BIK: variants seen among roughly 807,000 people sequenced by gnomAD.
BIK encodes the protein bcl-2-interacting killer.
A neutral mutation model predicts 12.1 loss-of-function variants in BIK; 14 were observed. That is an observed-to-expected ratio of 1.16 (90% confidence interval 0.77 to 1.81). The LOEUF (loss-of-function observed/expected upper bound fraction) is 1.81. Ranked by LOEUF, BIK falls within the 40% of genes most tolerant of loss-of-function variation. The pLI is 0.00. For synonymous variants in BIK, 86 were observed against 92.3 expected, an observed-to-expected ratio of 0.93 and a Z score of 0.39; for missense variants, 215 against 207.9, an observed-to-expected ratio of 1.03 and a Z score of -0.21.
intron 1 of BIK, among the ~76,000 whole-genome samples, chr22:43,117,816 C>T (rs992315475): frequency 2.6e-4 from 40 of 151,870 alleles, no homozygotes; most frequent in Admixed American, 7.9e-4. Context: ...ATTACAGGCG[C>T]GCACCACCAC....
In BIK at chr22:43,129,244, T is replaced by TGCTGGC. The variant is rs1555972443; in HGVS notation, c.426_427insGCGCTG (p.Leu142_Leu143insAlaLeu). The stretch of plus-strand genomic sequence containing the variant: ...TGCGAACAGGTGCTGCTGGCGCTGC[T>TGCTGGC]GCTGCTGCTGGCGCTGCTGCTGCCG... On this transcript the variant is annotated inframe_insertion, in exon 5 of 5. Transcript: ENST00000216115. The TGCTGGC allele has an allele frequency of 2.5e-6, 4 of 1,584,008 alleles. No homozygotes were observed. Among genetic ancestry groups the TGCTGGC allele is most frequent in the Admixed American group, 3.4e-5 (2 of 58,866 alleles).
chr22:43,129,118 C>G, intron 4 of BIK, 95 bp from the exon 5 acceptor site: 1 of 1,591,570 alleles, frequency 6.3e-7, no homozygotes, highest in Non-Finnish European at 8.5e-7. Context: ...CCAGTCCCCA[C>G]CCTCCTGGGC....
intron 2 of BIK, among the ~76,000 whole-genome samples, chr22:43,125,969 C>T (rs967125994): frequency 4.6e-5 from 7 of 151,942 alleles, no homozygotes; most frequent in South Asian, 4.2e-4. Context: ...GTCCAGCACA[C>T]GGCAGCATAC....
intron 1 of BIK, among the ~76,000 whole-genome samples, chr22:43,113,086 C>A (rs1930041960): frequency 6.6e-6 from 1 of 152,126 alleles, no homozygotes; most frequent in African/African-American, 2.4e-5. Flanking sequence ...TGTCTGTAAT[C>A]CCAGCTACTT....
At chr22:43,123,750 C>CAAAG (rs371105360) in intron 1 of BIK, among the ~76,000 whole-genome samples, 2 of 152,212 alleles carry the variant, frequency 1.3e-5, no homozygotes, top group South Asian at 2.1e-4. Context: ...TATCCAAAAA[C>CAAAG]AAAGAAAGAA....
At chr22:43,129,144 C>A in intron 4 of BIK, 69 bp from the exon 5 acceptor site, 2 of 1,598,424 alleles carry the variant, frequency 1.3e-6, no homozygotes, top group Non-Finnish European at 8.5e-7. Context: ...CTTGGCACTC[C>A]GCTGTCACCC....
At chr22:43,116,981 G>A (rs986288036) in intron 1 of BIK, among the ~76,000 whole-genome samples, 1 of 152,146 alleles carries the variant, frequency 6.6e-6, no homozygotes, top group African/African-American at 2.4e-5. Context: ...GGGGAATCTT[G>A]GGGGGAGCTG....
Position 43,128,768 on chromosome 22 carries a change from T to G in BIK, c.390+143T>G. 6.2e-6 allele frequency: 8 copies of G among 1,280,766 alleles called. No individual in the cohort carries two copies. The South Asian group carries it at 1.2e-4, about 19-fold the overall frequency. 79.3% of individuals were successfully genotyped at this position (1,280,766 alleles called of 1,614,324 possible). Reference sequence around the variant, plus strand: ...TCCACATCTGCCTGATCCCATGGGCTTTTGGGTTTGAGATGCCTGGTTCTG... The same window carrying G: ...TCCACATCTGCCTGATCCCATGGGCGTTTGGGTTTGAGATGCCTGGTTCTG... On this transcript the variant is annotated intron_variant, in intron 4 of 4. Coordinates refer to ENST00000216115, the MANE Select transcript of BIK (RefSeq NM_001197.5).
chr22:43,118,402 C>CAGCA (rs1469739036), intron 1 of BIK, among the ~76,000 whole-genome samples: 1 of 152,196 alleles, frequency 6.6e-6, no homozygotes, highest in Non-Finnish European at 1.5e-5. Context: ...TTCATCCTCT[C>CAGCA]AGCAGCCCTG....
Position 43,124,157 on chromosome 22 carries a change from C to G in BIK, c.135C>G (p.Phe45Leu), listed in dbSNP as rs750206661. The change falls in exon 2 of 5, where the codon TTC becomes TTG. Residue 45 changes from phenylalanine (F) to leucine (L), a missense_variant. Transcript: ENST00000216115. ...SEEDLDPMED[F>L]DSLECMEGSD... ...AGGACCTGGACCCTATGGAGGACTT[C>G]GATTCTTTGGAATGCATGGAGGGCA... The G allele has an allele frequency of 6.2e-7, 1 of 1,614,116 alleles. No individual in the cohort carries two copies.
rs534447778 is a variant in BIK, at chr22:43,112,263, G to A, written c.-8+1460G>A. Among the ~76,000 whole-genome samples, 7 of 152,190 alleles carry A rather than the reference G, an allele frequency of 4.6e-5. No individual in the cohort carries two copies. The East Asian group carries it at 1.4e-3, about 29-fold the overall frequency. On this transcript the variant is annotated intron_variant, in intron 1 of 4. Transcript: ENST00000216115. ...GCCCAGGCTGGAGTGCAATGGCGCC[G>A]TCTCGGCTAACTGCAACCTCGGCCT...
intron 1 of BIK, 141 bp from the exon 2 acceptor site, chr22:43,123,875 T>C (rs1374338610): frequency 3.7e-6 from 3 of 814,814 alleles, no homozygotes; most frequent in Non-Finnish European, 3.7e-6. Flanking sequence ...CTGTGGGAGC[T>C]GGGGTTGGGG....
intron 2 of BIK, among the ~76,000 whole-genome samples, chr22:43,126,377 G>A (rs183474532): frequency 4.6e-5 from 7 of 152,198 alleles, no homozygotes; most frequent in Admixed American, 3.3e-4. Flanking sequence ...AGTAGAGACA[G>A]GGTTTCATCA....
intron 1 of BIK, among the ~76,000 whole-genome samples, chr22:43,113,215 T>A (rs1158430526): frequency 6.6e-6 from 1 of 152,068 alleles, no homozygotes; most frequent in Admixed American, 6.6e-5. Flanking sequence ...AAAGAAAATT[T>A]AAAAAAGCAT....
At chr22:43,126,054 A>T (rs577968991) in intron 2 of BIK, among the ~76,000 whole-genome samples, 1 of 148,786 alleles carries the variant, frequency 6.7e-6, no homozygotes. Flanking sequence ...TTTGAGACAG[A>T]GTCTCTGTCA....
At position 43,129,485 on chromosome 22, in the gene BIK, CCA is replaced by C; in HGVS notation, c.*181_*182del. 1.9e-6 allele frequency: 2 copies of C among 1,077,384 alleles called. No homozygotes were observed. Among genetic ancestry groups the C allele is most frequent in the Admixed American group, 6.4e-5 (2 of 31,362 alleles). The allele number at this position is 1,077,384 out of a possible 1,614,324, so 66.7% of individuals were successfully genotyped here. ...TCAGGTTTTTTGTTTTTTTTTTATT[CCA>C]GTTTTCGTTTTTTCTAAAAGATGAA... On this transcript the variant is annotated 3_prime_UTR_variant, in exon 5 of 5. Transcript: ENST00000216115.
chr22:43,119,304 A>C (rs2147020846), intron 1 of BIK, among the ~76,000 whole-genome samples: 1 of 152,036 alleles, frequency 6.6e-6, no homozygotes, highest in East Asian at 1.9e-4. Context: ...TGGAAAAAAA[A>C]AGATAATAAA....
chr22:43,120,348 T>A (rs1456970962), intron 1 of BIK, among the ~76,000 whole-genome samples: 3 of 152,152 alleles, frequency 2.0e-5, no homozygotes, highest in Non-Finnish European at 4.4e-5. Context: ...CCACCACACC[T>A]GGTTAATTTT....
Position 43,129,683 on chromosome 22 carries a change from G to A in BIK, c.*378G>A, listed in dbSNP as rs187036332. 9.7e-4 allele frequency: 236 copies of A among 242,494 alleles called. 2 individuals are homozygous for A. The highest frequency in any genetic ancestry group is 5.0e-3 in the African/African-American group (217 of 43,270). The allele number at this position is 242,494 out of a possible 1,614,324, so 15.0% of individuals were successfully genotyped here. On this transcript the variant is annotated 3_prime_UTR_variant, in exon 5 of 5. Coordinates refer to ENST00000216115, the MANE Select transcript of BIK (RefSeq NM_001197.5). The stretch of plus-strand genomic sequence containing the variant: ...TACTGGAATAGATTCCGAGGAGCAG[G>A]AGTGCTCAATAAAATGTTGGTTTCC...
Sources: gnomAD v4.1 joint callset for allele counts (sites outside exome capture counted in the v4.1 genomes callset) on GRCh38, gnomAD v4.1.1 for gene constraint, MANE v1.5 for transcripts, NCBI Gene and HGNC (gene_info 2026-07-23, HGNC 2026-07-21) for gene names.